The following CARMIL1 variants were observed in gnomAD, a reference collection of about 807,000 sequenced individuals.
CARMIL1 encodes the protein F-actin-uncapping protein LRRC16A.
A neutral mutation model predicts 177.1 loss-of-function variants in CARMIL1; 90 were observed. The observed-to-expected ratio is 0.51, with a 90% CI of 0.43 to 0.61. The LOEUF (loss-of-function observed/expected upper bound fraction) is 0.61. CARMIL1 is among the 20% of genes least tolerant of loss of function. The pLI is 0.00. For synonymous variants in CARMIL1, 577 were observed against 606.2 expected (o/e 0.95, Z 0.71); for missense variants, 1,380 against 1,667.0 (o/e 0.83, Z 3.00).
intron 8 of CARMIL1, among the ~76,000 whole-genome samples, chr6:25,451,218 A>G (rs1425163689): frequency 6.6e-6 from 1 of 151,996 alleles, no homozygotes; most frequent in African/African-American, 2.4e-5. Context: ...CAGAGTTCGT[A>G]GTTAGAAAAT....
intron 29 of CARMIL1, among the ~76,000 whole-genome samples, chr6:25,567,853 A>T (rs1811690840): frequency 1.3e-5 from 2 of 152,250 alleles, no homozygotes; most frequent in African/African-American, 4.8e-5. Context: ...TAAAGTTGGG[A>T]TGAGTTAAGC....
chr6:25,533,703 A>T (rs78044807), intron 24 of CARMIL1, among the ~76,000 whole-genome samples: 4,249 of 151,966 alleles, frequency 0.028, 81 homozygotes, highest in South Asian at 0.1. Context: ...CATATCCCCA[A>T]TGCAGGATTT....
intron 2 of CARMIL1, among the ~76,000 whole-genome samples, chr6:25,393,258 T>C (rs1022664543): frequency 6.6e-6 from 1 of 152,142 alleles, no homozygotes; most frequent in Non-Finnish European, 1.5e-5. Flanking sequence ...GTGAGATTTC[T>C]ATAAAGATCA....
At chr6:25,588,833 T>C (rs942380296) in intron 31 of CARMIL1, among the ~76,000 whole-genome samples, 3 of 152,208 alleles carry the variant, frequency 2.0e-5, no homozygotes, top group Non-Finnish European at 4.4e-5. Flanking sequence ...CAAGGGAATA[T>C]GAAGCCCAGG....
chr6:25,526,148 TACAA>T (rs1267606053), intron 23 of CARMIL1, among the ~76,000 whole-genome samples: 1 of 113,962 alleles, frequency 8.8e-6, no homozygotes, highest in African/African-American at 3.2e-5. Flanking sequence ...CTACTAAAAA[TACAA>T]ATAAATAAAT....
At chr6:25,526,200 A>G (rs1258138292) in intron 23 of CARMIL1, among the ~76,000 whole-genome samples, 1 of 151,336 alleles carries the variant, frequency 6.6e-6, no homozygotes, top group East Asian at 1.9e-4. Flanking sequence ...TAAATAAGCC[A>G]GGCGTGGTGG....
At chr6:25,390,351 T>A (rs1792675608) in intron 2 of CARMIL1, among the ~76,000 whole-genome samples, 1 of 138,366 alleles carries the variant, frequency 7.2e-6, no homozygotes, top group Non-Finnish European at 1.5e-5. Flanking sequence ...AGACAGGGTC[T>A]CAGTCTGTCA....
intron 2 of CARMIL1, among the ~76,000 whole-genome samples, chr6:25,306,013 T>C (rs1184741342): frequency 6.6e-6 from 1 of 152,206 alleles, no homozygotes; most frequent in African/African-American, 2.4e-5. Flanking sequence ...ATATTCTCAA[T>C]GTTATGCAAC....
chr6:25,395,689 A>G (rs1237097968), intron 2 of CARMIL1, among the ~76,000 whole-genome samples: 1 of 152,228 alleles, frequency 6.6e-6, no homozygotes, highest in Non-Finnish European at 1.5e-5. Flanking sequence ...CGCTTTTTGA[A>G]TCAGTGATCT....
At chr6:25,333,040 T>C (rs1785856584) in intron 2 of CARMIL1, among the ~76,000 whole-genome samples, 1 of 152,120 alleles carries the variant, frequency 6.6e-6, no homozygotes, top group Non-Finnish European at 1.5e-5. Flanking sequence ...TACACTCAGA[T>C]GTGATTCCTG....
intron 2 of CARMIL1, among the ~76,000 whole-genome samples, chr6:25,360,419 C>A (rs1184358401): frequency 6.6e-6 from 1 of 152,190 alleles, no homozygotes; most frequent in African/African-American, 2.4e-5. Context: ...AGTTATTCAG[C>A]AGGCAGATTT....
intron 11 of CARMIL1, among the ~76,000 whole-genome samples, chr6:25,473,534 G>A (rs1429923587): frequency 6.6e-6 from 1 of 152,176 alleles, no homozygotes; most frequent in African/African-American, 2.4e-5. Flanking sequence ...TTAAGTGGAA[G>A]TAGATCATCA....
At chr6:25,469,377 A>T (rs371194331) in intron 9 of CARMIL1, among the ~76,000 whole-genome samples, 2 of 152,224 alleles carry the variant, frequency 1.3e-5, no homozygotes, top group African/African-American at 2.4e-5. Context: ...AAGTCAAAGT[A>T]CTGTAATATT....
chr6:25,600,829 T>G, intron 33 of CARMIL1, 83 bp downstream of exon 33: 1 of 1,182,348 alleles, frequency 8.5e-7, no homozygotes, highest in East Asian at 2.6e-5. Flanking sequence ...GTGATATTTT[T>G]ATGTATGTCT....
intron 31 of CARMIL1, among the ~76,000 whole-genome samples, chr6:25,585,623 A>G (rs147438352): frequency 0.018 from 2,725 of 152,284 alleles, 64 homozygotes; most frequent in African/African-American, 0.052. Context: ...TCATAGGACA[A>G]TAGTGGAGGG....
rs530502280 is a variant in CARMIL1, at chr6:25,532,852, A to G, written c.2067+3959A>G. Among the ~76,000 whole-genome samples, 3 of 152,340 alleles carry G rather than the reference A, an allele frequency of 2.0e-5. No homozygotes were observed. In the South Asian group the frequency reaches 6.2e-4, roughly 32 times the overall value. ...GTAAATACTTTAGGCTTTGGAGCCC[A>G]TAGGATCTCTGTTGCAGCTACTCAA... On this transcript the variant is annotated intron_variant, in intron 24 of 36. Coordinates refer to ENST00000329474, the MANE Select transcript of CARMIL1 (RefSeq NM_017640.6).
At chr6:25,604,780 C>T (rs1225864274) in intron 33 of CARMIL1, 32 bp from the exon 34 acceptor site, 1 of 1,528,442 alleles carries the variant, frequency 6.5e-7, no homozygotes, top group Non-Finnish European at 8.9e-7. Context: ...TAAATGTGCA[C>T]TTTTTGGGGG....
rs550860947 is a variant in CARMIL1, at chr6:25,342,616, T to A, written c.138+57707T>A. ...TTCTAGTTAGGCTTGAAATCTTTCT[T>A]TATTTTATGTACTTATTATTACTAA... On this transcript the variant is annotated intron_variant, in intron 2 of 36. Transcript: ENST00000329474. Among the ~76,000 whole-genome samples the A allele has an allele frequency of 6.3e-3, 966 of 152,168 alleles. 11 individuals carry two copies. The highest frequency in any genetic ancestry group is 0.019 in the African/African-American group (806 of 41,502).
At chr6:25,445,899 A>G (rs1237002500) in intron 5 of CARMIL1, among the ~76,000 whole-genome samples, 2 of 152,210 alleles carry the variant, frequency 1.3e-5, no homozygotes, top group Non-Finnish European at 2.9e-5. Context: ...CATGAAAACA[A>G]CATGGATTTT....
Sources: gnomAD v4.1 joint callset for allele counts (sites outside exome capture counted in the v4.1 genomes callset) on GRCh38, gnomAD v4.1.1 for gene constraint, MANE v1.5 for transcripts, NCBI Gene and HGNC (gene_info 2026-07-23, HGNC 2026-07-21) for gene names.